The following AFAP1 variants were observed in gnomAD, a reference collection of about 807,000 sequenced individuals.
AFAP1 encodes actin filament-associated protein 1.
A neutral mutation model predicts 93.9 loss-of-function variants in AFAP1; 75 were observed. That is an observed-to-expected ratio of 0.80 (90% CI 0.66 to 0.97). The LOEUF is 0.97. AFAP1 is among the 50% of genes least tolerant of loss of function. The probability of loss-of-function intolerance (pLI) is 0.00; values close to 1 mark genes in which losing one functional copy is unlikely to be tolerated. For synonymous variants in AFAP1, 517 were observed against 430.7 expected (o/e 1.20, Z -2.48); for missense variants, 1,201 against 1,050.8 (o/e 1.14, Z -1.98).
chr4:7,764,979 A>C (rs757252), intron 17 of AFAP1, among the ~76,000 whole-genome samples: 14,476 of 152,066 alleles, frequency 0.095, 1,069 homozygotes, highest in East Asian at 0.41. Flanking sequence ...GGTGGCGCAC[A>C]CCCATAGTCC....
rs75367934 is a variant in AFAP1 at position 7,780,838 on chromosome 4, C to T, written c.1782+538G>A. On this transcript the variant is annotated intron_variant, in intron 13 of 17. Transcript: ENST00000420658. ...TAGACTTGTCATGGAGAAACACCAC[C>T]GTACTCTGAATAATCTATTTCATGT... Among the ~76,000 whole-genome samples, 40 of 151,998 alleles carry T rather than the reference C, an allele frequency of 2.6e-4. 1 individual carries two copies. In the East Asian group the frequency reaches 7.7e-3, roughly 29 times the overall value.
chr4:7,894,812 A>C (rs1279995295), intron 1 of AFAP1, among the ~76,000 whole-genome samples: 1 of 152,160 alleles, frequency 6.6e-6, no homozygotes, highest in Non-Finnish European at 1.5e-5. Context: ...CCAAAGAGGA[A>C]AAGCCTCGAG....
chr4:7,830,282 G>A (rs1721774208), intron 6 of AFAP1, among the ~76,000 whole-genome samples: 1 of 98,832 alleles, frequency 1.0e-5, no homozygotes, highest in Non-Finnish European at 2.0e-5. Context: ...AAATAATCTT[G>A]GAAGACAATC....
At chr4:7,773,337 C>A in intron 15 of AFAP1, 1 of 291,454 alleles carries the variant, frequency 3.4e-6, no homozygotes, top group Non-Finnish European at 6.4e-6. Flanking sequence ...CCAAAGCTGC[C>A]ACCTTCTTGG....
intron 12 of AFAP1, 60 bp from the exon 13 acceptor site, chr4:7,781,687 AC>A: frequency 6.5e-7 from 1 of 1,536,940 alleles, no homozygotes. Context: ...AGCTTTTAGC[AC>A]AGTGAGATGT....
chr4:7,857,085 T>G (rs567735253), intron 3 of AFAP1, among the ~76,000 whole-genome samples: 11 of 152,282 alleles, frequency 7.2e-5, no homozygotes, highest in African/African-American at 2.2e-4. Flanking sequence ...TTCCTATGAA[T>G]AGCATGCAAC....
intron 1 of AFAP1, among the ~76,000 whole-genome samples, chr4:7,930,517 T>C (rs572451086): frequency 6.6e-6 from 1 of 152,310 alleles, no homozygotes; most frequent in South Asian, 2.1e-4. Context: ...GCCCTAATCC[T>C]GAACCTGTCT....
chr4:7,885,318 A>C (rs1718082358), intron 1 of AFAP1, among the ~76,000 whole-genome samples: 1 of 152,154 alleles, frequency 6.6e-6, no homozygotes, highest in African/African-American at 2.4e-5. Context: ...AGGCCTCTGC[A>C]CGTGCCACTG....
chr4:7,904,412 C>T (rs368981040), intron 1 of AFAP1, among the ~76,000 whole-genome samples: 6 of 152,246 alleles, frequency 3.9e-5, no homozygotes, highest in African/African-American at 1.2e-4. Context: ...ATGAGTAACG[C>T]CAGTGATAGA....
chr4:7,867,487 C>T (rs966895717), intron 3 of AFAP1, among the ~76,000 whole-genome samples: 1 of 152,178 alleles, frequency 6.6e-6, no homozygotes, highest in Non-Finnish European at 1.5e-5. Flanking sequence ...AGGCTCAATG[C>T]TAACAGTCTT....
chr4:7,896,286 G>A (rs1434384481), intron 1 of AFAP1, among the ~76,000 whole-genome samples: 1 of 152,024 alleles, frequency 6.6e-6, no homozygotes, highest in Non-Finnish European at 1.5e-5. Flanking sequence ...TCCAGCTAAG[G>A]AATGTCAATC....
chr4:7,828,892 C>G lies in AFAP1; in HGVS notation c.726+9632G>C, dbSNP rs551834063. ...TGAAATGGTTTAGCTGTGTCCCCAC[C>G]CAAGTCTCATCTTGAATTGTAGTTC... On this transcript the variant is annotated intron_variant, in intron 6 of 17. Transcript: ENST00000420658. Among the ~76,000 whole-genome samples the G allele has an allele frequency of 2.6e-5, 4 of 152,310 alleles. No individual in the cohort carries two copies. In the South Asian group the frequency reaches 8.3e-4, roughly 32 times the overall value.
chr4:7,826,299 G>T (rs918951818), intron 6 of AFAP1, among the ~76,000 whole-genome samples: 1 of 152,232 alleles, frequency 6.6e-6, no homozygotes, highest in Admixed American at 6.5e-5. Context: ...AGAGTTTGGA[G>T]AGTCCCCACC....
chr4:7,898,892 C>T (rs200067814), intron 1 of AFAP1, among the ~76,000 whole-genome samples: 1 of 109,904 alleles, frequency 9.1e-6, no homozygotes, highest in Admixed American at 8.6e-5. Context: ...TGTGTATATA[C>T]AGAGAGGGAG....
At chr4:7,827,445 C>T (rs1455455932) in intron 6 of AFAP1, among the ~76,000 whole-genome samples, 2 of 151,800 alleles carry the variant, frequency 1.3e-5, no homozygotes, top group Non-Finnish European at 2.9e-5. Context: ...GTGGCACACG[C>T]CTGTAATCCC....
intron 3 of AFAP1, among the ~76,000 whole-genome samples, chr4:7,856,436 T>G (rs1054871290): frequency 4.6e-5 from 7 of 152,004 alleles, no homozygotes; most frequent in African/African-American, 1.7e-4. Context: ...AGAGACAGGG[T>G]TTCACCGTTT....
At position 7,763,496 on chromosome 4, in the gene AFAP1, T is replaced by C. The variant is rs112824955; in HGVS notation, c.*269A>G. On this transcript the variant is annotated 3_prime_UTR_variant, in exon 18 of 18. Transcript: ENST00000420658. ...GTTAGAAAGATGTCACTTCGCCTGATAGCATCCTTTCAAACACCTTTCCAT... is the reference window on the plus strand; with the variant it reads ...GTTAGAAAGATGTCACTTCGCCTGACAGCATCCTTTCAAACACCTTTCCAT... The C allele has an allele frequency of 1.2e-5, 6 of 506,906 alleles. No individual in the cohort carries two copies. The highest frequency in any genetic ancestry group is 1.1e-4 in the South Asian group (4 of 35,034). The allele number at this position is 506,906 out of a possible 1,614,324, so 31.4% of individuals were successfully genotyped here.
chr4:7,903,628 G>A (rs1419096624), intron 1 of AFAP1, among the ~76,000 whole-genome samples: 3 of 152,194 alleles, frequency 2.0e-5, no homozygotes, highest in East Asian at 1.9e-4. Flanking sequence ...GCAGTGAGCC[G>A]AGAAAGTGCC....
chr4:7,908,462 T>G (rs551146430), intron 1 of AFAP1, among the ~76,000 whole-genome samples: 193 of 152,366 alleles, frequency 1.3e-3, no homozygotes, highest in Admixed American at 5.9e-3. Flanking sequence ...AGTCAGTTAC[T>G]AAGATATTTT....
Sources: allele counts gnomAD v4.1 joint callset (sites outside exome capture counted in the v4.1 genomes callset), GRCh38; gene constraint gnomAD v4.1.1; transcripts MANE v1.5; gene names NCBI Gene and HGNC (gene_info 2026-07-23, HGNC 2026-07-21).